CDH4: variants seen among roughly 807,000 people sequenced by gnomAD.
CDH4 encodes the protein cadherin-4.
Under a neutral mutation model 86.0 loss-of-function variants are expected in CDH4, and 33 were observed. That is an observed-to-expected ratio of 0.38 (90% CI 0.29 to 0.51). The LOEUF (loss-of-function observed/expected upper bound fraction) is 0.51. CDH4 is among the 20% of genes least tolerant of loss of function. The pLI is 0.86. For missense variants in CDH4, 1,114 were observed against 1,307.4 expected (o/e 0.85, Z 2.28); for synonymous variants, 555 against 549.4 (o/e 1.01, Z -0.14).
intron 2 of CDH4, among the ~76,000 whole-genome samples, chr20:61,423,526 T>G (rs368485660): frequency 6.6e-6 from 1 of 152,226 alleles, no homozygotes; most frequent in Non-Finnish European, 1.5e-5. Flanking sequence ...TTAGTTCTGG[T>G]GTGGTTGAAT....
At chr20:61,563,404 A>C (rs555134525) in intron 2 of CDH4, among the ~76,000 whole-genome samples, 1 of 152,290 alleles carries the variant, frequency 6.6e-6, no homozygotes, top group African/African-American at 2.4e-5. Flanking sequence ...TCCAGCCCCA[A>C]TGTCTCCCTC....
intron 2 of CDH4, among the ~76,000 whole-genome samples, chr20:61,478,290 G>C (rs1452386270): frequency 1.3e-5 from 2 of 152,174 alleles, no homozygotes; most frequent in African/African-American, 2.4e-5. Context: ...GGAGTCCTGG[G>C]CAGCACCAGG....
chr20:61,492,987 CA>C (rs2085636714), intron 2 of CDH4, among the ~76,000 whole-genome samples: 1 of 152,182 alleles, frequency 6.6e-6, no homozygotes, highest in Non-Finnish European at 1.5e-5. Context: ...TCGTGCCTGT[CA>C]GCCTGGGATG....
At chr20:61,432,833 A>ATTTTTTTTT (rs36067606) in intron 2 of CDH4, among the ~76,000 whole-genome samples, 1 of 101,710 alleles carries the variant, frequency 9.8e-6, no homozygotes, top group Non-Finnish European at 2.0e-5. Context: ...TAAATCCATG[A>ATTTTTTTTT]TTTTTTTTTT....
chr20:61,257,790 G>A (rs1294765023), intron 2 of CDH4, among the ~76,000 whole-genome samples: 1 of 152,252 alleles, frequency 6.6e-6, no homozygotes, highest in Non-Finnish European at 1.5e-5. Context: ...CTGCAGCCTG[G>A]TACGGTGACC....
chr20:61,655,688 C>T (rs992638108), intron 2 of CDH4, among the ~76,000 whole-genome samples: 1 of 152,240 alleles, frequency 6.6e-6, no homozygotes, highest in African/African-American at 2.4e-5. Flanking sequence ...GCTCTGAAAG[C>T]AGCCTCCGTG....
chr20:61,828,981 C>A (rs1981456901), intron 4 of CDH4, among the ~76,000 whole-genome samples: 1 of 152,222 alleles, frequency 6.6e-6, no homozygotes, highest in Non-Finnish European at 1.5e-5. Context: ...ATGCGCAGGT[C>A]ACAACAGGGT....
At chr20:61,769,800 T>G (rs558517041) in intron 3 of CDH4, among the ~76,000 whole-genome samples, 1 of 152,328 alleles carries the variant, frequency 6.6e-6, no homozygotes, top group African/African-American at 2.4e-5. Context: ...TGGGCTATGT[T>G]GGCGTTATTT....
At chr20:61,584,963 C>T (rs749033614) in intron 2 of CDH4, among the ~76,000 whole-genome samples, 1 of 152,208 alleles carries the variant, frequency 6.6e-6, no homozygotes, top group Non-Finnish European at 1.5e-5. Flanking sequence ...GGAAAGCCAT[C>T]GCCGATGTGA....
intron 2 of CDH4, among the ~76,000 whole-genome samples, chr20:61,646,202 C>G (rs1271277687): frequency 6.6e-6 from 1 of 152,082 alleles, no homozygotes; most frequent in African/African-American, 2.4e-5. Context: ...AACCCGGCAC[C>G]TAGATCAGGG....
intron 2 of CDH4, among the ~76,000 whole-genome samples, chr20:61,311,526 G>A (rs963064429): frequency 1.3e-5 from 2 of 152,184 alleles, no homozygotes; most frequent in Non-Finnish European, 2.9e-5. Context: ...CAGATATTTA[G>A]TAAACATAGA....
chr20:61,908,693 G>A (rs909913713), intron 8 of CDH4, among the ~76,000 whole-genome samples: 2 of 152,144 alleles, frequency 1.3e-5, no homozygotes, highest in African/African-American at 4.8e-5. Flanking sequence ...CCTGTCCAAC[G>A]GGAGTGTCAG....
intron 7 of CDH4, among the ~76,000 whole-genome samples, chr20:61,885,000 C>G (rs938026537): frequency 6.6e-6 from 1 of 152,112 alleles, no homozygotes. Context: ...GCAGGCCCAG[C>G]ACAGAATCTG....
chr20:61,597,336 C>T (rs2086563823), intron 2 of CDH4, among the ~76,000 whole-genome samples: 1 of 152,236 alleles, frequency 6.6e-6, no homozygotes, highest in South Asian at 2.1e-4. Flanking sequence ...CGCTCCTTTT[C>T]CTTGGCATCT....
intron 4 of CDH4, among the ~76,000 whole-genome samples, chr20:61,833,202 C>T (rs1255847061): frequency 2.0e-5 from 3 of 152,088 alleles, no homozygotes; most frequent in African/African-American, 7.2e-5. Flanking sequence ...TTGCTTGAGC[C>T]AGTTACATTG....
intron 2 of CDH4, among the ~76,000 whole-genome samples, chr20:61,581,782 A>G (rs1264344786): frequency 1.3e-5 from 2 of 152,088 alleles, no homozygotes; most frequent in East Asian, 1.9e-4. Flanking sequence ...GGACATGGAC[A>G]CCTTTAGGGA....
At chr20:61,605,152 GTAATGACCCCTGCC>G (rs112044329) in intron 2 of CDH4, among the ~76,000 whole-genome samples, 8,860 of 152,238 alleles carry the variant, frequency 0.058, 684 homozygotes, top group African/African-American at 0.18. Flanking sequence ...GTGATTGGAA[GTAATGACCCCTGCC>G]TGCCACTGGG....
Position 61,565,267 on chromosome 20 carries a change from T to C in CDH4, c.170-178296T>C, listed in dbSNP as rs1222692349. On this transcript the variant is annotated intron_variant, in intron 2 of 15. Transcript: ENST00000614565. ...GCGGTGCTCTTGGTGATGGTGGTGG[T>C]GGTCCTCTTGGTGATGGGGTGATGG... is the stretch of plus-strand genomic sequence containing the variant. Among the ~76,000 whole-genome samples, 30 of 106,094 alleles carry C rather than the reference T, an allele frequency of 2.8e-4. 2 individuals carry two copies. The highest frequency in any genetic ancestry group is 7.4e-4 in the South Asian group (2 of 2,698). 69.6% of individuals were successfully genotyped at this position (106,094 alleles called of 152,430 possible).
chr20:61,761,414 T>TC (rs2088630560), intron 3 of CDH4, among the ~76,000 whole-genome samples: 1 of 152,186 alleles, frequency 6.6e-6, no homozygotes, highest in Non-Finnish European at 1.5e-5. Context: ...GGCCGGTCCT[T>TC]CCCCAGATGT....
Sources: gnomAD v4.1 joint callset for allele counts (sites outside exome capture counted in the v4.1 genomes callset) on GRCh38, gnomAD v4.1.1 for gene constraint, MANE v1.5 for transcripts, NCBI Gene and HGNC (gene_info 2026-07-23, HGNC 2026-07-21) for gene names.